The following TOP6BL variants were observed in gnomAD, a reference collection of about 807,000 sequenced individuals.
TOP6BL encodes TOP6B like initiator of meiotic double strand breaks.
At chr11:66,778,365 G>A in the TOP6BL span, among the ~76,000 whole-genome samples, 1 of 152,036 alleles carries the variant, frequency 6.6e-6, no homozygotes, top group Admixed American at 6.6e-5. Context: ...ATCTATCCCA[G>A]CTACTCAGGG....
the TOP6BL span, among the ~76,000 whole-genome samples, chr11:66,779,762 C>T: frequency 3.3e-5 from 5 of 152,030 alleles, no homozygotes; most frequent in Non-Finnish European, 7.4e-5. Flanking sequence ...GGAACCAACC[C>T]AAATGTCCAA....
At chr11:66,784,966 T>A in the TOP6BL span, among the ~76,000 whole-genome samples, 1 of 143,986 alleles carries the variant, frequency 6.9e-6, no homozygotes, top group Non-Finnish European at 1.5e-5. Flanking sequence ...CTTTTTTTTT[T>A]TTTTTTTTTT....
the TOP6BL span, chr11:66,796,483 T>C: frequency 2.6e-6 from 2 of 778,320 alleles, no homozygotes; most frequent in Non-Finnish European, 4.0e-6. Flanking sequence ...TGAAGATGAT[T>C]AAAACGTTTA....
At chr11:66,832,011 A>C in the TOP6BL span, among the ~76,000 whole-genome samples, 20 of 151,156 alleles carry the variant, frequency 1.3e-4, no homozygotes, top group South Asian at 1.3e-3. Flanking sequence ...AAAAAAAAAA[A>C]AAAAACAAAA....
At chr11:66,797,904 A>C in the TOP6BL span, among the ~76,000 whole-genome samples, 1 of 152,226 alleles carries the variant, frequency 6.6e-6, no homozygotes, top group Non-Finnish European at 1.5e-5. Flanking sequence ...AAGCATATCT[A>C]TGACATCCCC....
chr11:66,785,017 G>A, the TOP6BL span, among the ~76,000 whole-genome samples: 4 of 135,132 alleles, frequency 3.0e-5, no homozygotes, highest in Non-Finnish European at 4.5e-5. Context: ...GTGCAATGGC[G>A]TGATCTCAGC....
At chr11:66,814,400 A>G in the TOP6BL span, among the ~76,000 whole-genome samples, 5 of 152,232 alleles carry the variant, frequency 3.3e-5, no homozygotes, top group South Asian at 1.0e-3. Flanking sequence ...CTGGGATTAC[A>G]GGTGCCTACC....
chr11:66,808,684 A>G, the TOP6BL span, among the ~76,000 whole-genome samples: 5 of 152,388 alleles, frequency 3.3e-5, no homozygotes, highest in South Asian at 1.0e-3. Flanking sequence ...AATGTTGAAT[A>G]AAATTCAGTA....
At chr11:66,817,686 C>T in the TOP6BL span, among the ~76,000 whole-genome samples, 1 of 152,092 alleles carries the variant, frequency 6.6e-6, no homozygotes, top group Non-Finnish European at 1.5e-5. Context: ...ATCCACCCGC[C>T]TCAGCCCCCC....
the TOP6BL span, among the ~76,000 whole-genome samples, chr11:66,798,130 C>A: frequency 6.6e-6 from 1 of 151,994 alleles, no homozygotes; most frequent in Non-Finnish European, 1.5e-5. Context: ...TCACTTCTTA[C>A]CTTATGTTAC....
chr11:66,788,843 T>G, the TOP6BL span, among the ~76,000 whole-genome samples: 2 of 152,206 alleles, frequency 1.3e-5, no homozygotes, highest in Admixed American at 1.3e-4. Flanking sequence ...CTTGAACTCC[T>G]GAGCTTAAGT....
chr11:66,778,695 G>T, the TOP6BL span, among the ~76,000 whole-genome samples: 1 of 152,000 alleles, frequency 6.6e-6, no homozygotes, highest in Non-Finnish European at 1.5e-5. Flanking sequence ...AAAAGAACCC[G>T]CATTGCCAAG....
the TOP6BL span, among the ~76,000 whole-genome samples, chr11:66,798,403 C>G: frequency 1.3e-5 from 2 of 151,746 alleles, no homozygotes; most frequent in African/African-American, 4.8e-5. Context: ...AGTTCCAGAC[C>G]AGCCTGGGCA....
chr11:66,796,680 G>A, the TOP6BL span, among the ~76,000 whole-genome samples: 1 of 151,850 alleles, frequency 6.6e-6, no homozygotes, highest in African/African-American at 2.4e-5. Flanking sequence ...TTCCTCAGGA[G>A]GGTGAGGTGA....
At chr11:66,773,070 G>GTCTCTC in the TOP6BL span, among the ~76,000 whole-genome samples, 1 of 149,878 alleles carries the variant, frequency 6.7e-6, no homozygotes, top group African/African-American at 2.4e-5. Flanking sequence ...TAATTATACA[G>GTCTCTC]TCTCTCTCTC....
the TOP6BL span, among the ~76,000 whole-genome samples, chr11:66,767,046 T>C: frequency 0.055 from 8,443 of 152,250 alleles, 327 homozygotes; most frequent in East Asian, 0.12. Flanking sequence ...AAATTCTTAT[T>C]AATTTAAACA....
chr11:66,786,904 C>G, the TOP6BL span, among the ~76,000 whole-genome samples: 6 of 151,916 alleles, frequency 3.9e-5, no homozygotes, highest in East Asian at 1.2e-3. Flanking sequence ...AACAATATTA[C>G]CCATTAAGAT....
chr11:66,806,995 G>T, the TOP6BL span, among the ~76,000 whole-genome samples: 1 of 152,130 alleles, frequency 6.6e-6, no homozygotes, highest in Non-Finnish European at 1.5e-5. Flanking sequence ...CCATCATCTA[G>T]AAGGGATAAG....
the TOP6BL span, chr11:66,748,358 TTTGAA>T: frequency 4.0e-6 from 6 of 1,509,842 alleles, no homozygotes; most frequent in African/African-American, 2.8e-5. Context: ...TTATGTTTTC[TTTGAA>T]TTGTGCTCTT....
Sources: gnomAD v4.1 joint callset for allele counts (sites outside exome capture counted in the v4.1 genomes callset) on GRCh38, gnomAD v4.1.1 for gene constraint, MANE v1.5 for transcripts, NCBI Gene and HGNC (gene_info 2026-07-23, HGNC 2026-07-21) for gene names.